TULP4: variants seen among roughly 807,000 people sequenced by gnomAD.
TULP4 encodes the protein tubby-related protein 4.
TULP4 carries 16 observed loss-of-function variants against 129.0 expected under a neutral mutation model. That is an observed-to-expected ratio of 0.12 (90% confidence interval 0.08 to 0.19). The LOEUF (loss-of-function observed/expected upper bound fraction) is 0.19. TULP4 is among the 10% of genes least tolerant of loss of function. TULP4 has a pLI of 1.00. For synonymous variants in TULP4, 998 were observed against 854.0 expected, an observed-to-expected ratio of 1.17 and a Z score of -2.94; for missense variants, 1,842 against 2,059.1, an observed-to-expected ratio of 0.89 and a Z score of 2.04.
chr6:158,389,892 C>T (rs982607267), intron 1 of TULP4, among the ~76,000 whole-genome samples: 7 of 152,046 alleles, frequency 4.6e-5, no homozygotes, highest in South Asian at 2.1e-4. Flanking sequence ...GGGTGGATCA[C>T]CTGAGGTCAG....
At chr6:158,310,380 G>A (rs1779323165), upstream of TULP4, 1 of 150,560 alleles carries the variant, frequency 6.6e-6, no homozygotes, top group South Asian at 2.1e-4. Context: ...GAGTGCAGTG[G>A]TGCGATCTTG....
At chr6:158,487,417 C>G (rs1204671964) in intron 8 of TULP4, among the ~76,000 whole-genome samples, 1 of 152,164 alleles carries the variant, frequency 6.6e-6, no homozygotes, top group Non-Finnish European at 1.5e-5. Flanking sequence ...TGCACTCCAG[C>G]CTAGGCGACA....
chr6:158,377,651 G>A (rs1006628715), intron 1 of TULP4, among the ~76,000 whole-genome samples: 4 of 152,192 alleles, frequency 2.6e-5, no homozygotes, highest in African/African-American at 9.7e-5. Flanking sequence ...TGCCTTTGAA[G>A]AGCCAAGTCT....
chr6:158,379,153 A>G (rs1777268505), intron 1 of TULP4, among the ~76,000 whole-genome samples: 1 of 152,176 alleles, frequency 6.6e-6, no homozygotes, highest in Non-Finnish European at 1.5e-5. Flanking sequence ...TTCTGAAGGT[A>G]GAGTTGACAG....
At chr6:158,369,007 A>G (rs1488570090) in intron 1 of TULP4, among the ~76,000 whole-genome samples, 1 of 152,212 alleles carries the variant, frequency 6.6e-6, no homozygotes, top group Non-Finnish European at 1.5e-5. Context: ...TTATAGTGCC[A>G]CAGAAATGTG....
chr6:158,355,805 A>G (rs1336588130), intron 1 of TULP4, among the ~76,000 whole-genome samples: 1 of 152,244 alleles, frequency 6.6e-6, no homozygotes, highest in Non-Finnish European at 1.5e-5. Flanking sequence ...CAAACGAGAA[A>G]TCTGTTAAAA....
At chr6:158,415,087 G>A (rs931303718) in intron 2 of TULP4, among the ~76,000 whole-genome samples, 4 of 152,174 alleles carry the variant, frequency 2.6e-5, no homozygotes, top group African/African-American at 4.8e-5. Context: ...GCATAATGAC[G>A]TTTCAGTTAT....
intron 1 of TULP4, among the ~76,000 whole-genome samples, chr6:158,392,270 GTGCCCCCATGATTC>G (rs900004438): frequency 4.6e-5 from 7 of 151,902 alleles, no homozygotes; most frequent in Admixed American, 2.0e-4. Flanking sequence ...TGGGAAAGAA[GTGCCCCCATGATTC>G]TGCCCCCATG....
At chr6:158,342,634 T>C in intron 1 of TULP4, among the ~76,000 whole-genome samples, 1 of 152,214 alleles carries the variant, frequency 6.6e-6, no homozygotes, top group Non-Finnish European at 1.5e-5. Context: ...CAAGACTGTG[T>C]GCTCAGTTGC....
At chr6:158,354,782 G>A (rs1384417921) in intron 1 of TULP4, among the ~76,000 whole-genome samples, 1 of 151,514 alleles carries the variant, frequency 6.6e-6, no homozygotes, top group African/African-American at 2.4e-5. Context: ...TGGCTGCTCA[G>A]GAAGCTGAGG....
chr6:158,439,086 G>A (rs150980427), intron 3 of TULP4, among the ~76,000 whole-genome samples: 43 of 151,950 alleles, frequency 2.8e-4, no homozygotes, highest in African/African-American at 9.6e-4. Flanking sequence ...CAAGAGAATC[G>A]CTTGAACCCA....
intron 1 of TULP4, among the ~76,000 whole-genome samples, chr6:158,351,327 A>G (rs1195197377): frequency 2.0e-5 from 3 of 152,118 alleles, no homozygotes; most frequent in African/African-American, 2.4e-5. Flanking sequence ...TGCACTATAT[A>G]TTTTTGTGCC....
chr6:158,337,803 T>A (rs77923668), intron 1 of TULP4, among the ~76,000 whole-genome samples: 5,372 of 151,558 alleles, frequency 0.035, 111 homozygotes, highest in Non-Finnish European at 0.041. Flanking sequence ...TTTTTTTTTT[T>A]AAAGCAGTTA....
chr6:158,338,999 A>G (rs1023567881), intron 1 of TULP4, among the ~76,000 whole-genome samples: 2 of 152,204 alleles, frequency 1.3e-5, no homozygotes, highest in Non-Finnish European at 2.9e-5. Flanking sequence ...TGAGTCTTAC[A>G]CTTGGGAAAA....
At chr6:158,257,619 C>T (rs979707940) in intron 1 of TULP4, among the ~76,000 whole-genome samples, 2 of 152,104 alleles carry the variant, frequency 1.3e-5, no homozygotes, top group African/African-American at 4.8e-5. Flanking sequence ...TTTGGTTTTG[C>T]AGCTTGCATT....
intron 1 of TULP4, among the ~76,000 whole-genome samples, chr6:158,285,437 A>G (rs1425001840): frequency 6.6e-6 from 1 of 152,160 alleles, no homozygotes; most frequent in African/African-American, 2.4e-5. Flanking sequence ...TTTGCTGGCC[A>G]TTTATGATGT....
intron 1 of TULP4, among the ~76,000 whole-genome samples, chr6:158,268,014 TTTC>T (rs1257796939): frequency 2.9e-5 from 4 of 136,122 alleles, no homozygotes; most frequent in Admixed American, 8.0e-5. Context: ...TTTCTTTTCT[TTTC>T]TTTTCTTTTT....
chr6:158,477,701 T>C (rs1562583039), intron 6 of TULP4, among the ~76,000 whole-genome samples: 2 of 152,158 alleles, frequency 1.3e-5, no homozygotes, highest in African/African-American at 4.8e-5. Flanking sequence ...TAGAAAACAG[T>C]GTGGCAATTC....
intron 1 of TULP4, among the ~76,000 whole-genome samples, chr6:158,373,690 C>T (rs901742031): frequency 1.3e-5 from 2 of 152,162 alleles, no homozygotes; most frequent in Non-Finnish European, 2.9e-5. Context: ...CCTTTGTTCT[C>T]CTGAGTCCAC....
Sources: gnomAD v4.1 joint callset for allele counts (sites outside exome capture counted in the v4.1 genomes callset) on GRCh38, gnomAD v4.1.1 for gene constraint, MANE v1.5 for transcripts, NCBI Gene and HGNC (gene_info 2026-07-23, HGNC 2026-07-21) for gene names.